The following TFAP2B variants were observed in gnomAD, a reference collection of about 807,000 sequenced individuals.
TFAP2B encodes the protein transcription factor AP-2 beta, also known as transcription factor AP-2-beta.
TFAP2B carries 9 observed loss-of-function variants against 44.3 expected under a neutral mutation model. The ratio of observed to expected loss-of-function variants is 0.20; its 90% CI spans 0.12 to 0.35. The LOEUF (loss-of-function observed/expected upper bound fraction) is 0.35. Ranked by LOEUF, TFAP2B falls within the 10% of genes least tolerant of loss-of-function variation. TFAP2B has a pLI of 1.00. For synonymous variants in TFAP2B, 270 were observed against 263.8 expected, an observed-to-expected ratio of 1.02 and a Z score of -0.23; for missense variants, 509 against 600.0, an observed-to-expected ratio of 0.85 and a Z score of 1.59.
At chr6:50,829,304 T>C (rs758218968) in intron 3 of TFAP2B, among the ~76,000 whole-genome samples, 21 of 152,256 alleles carry the variant, frequency 1.4e-4, no homozygotes, top group Non-Finnish European at 2.8e-4. Context: ...GGGCATGTGA[T>C]ATTAACAAAT....
rs1762631228 is a variant in TFAP2B, at chr6:50,836,723, T to C, written c.821+443T>C. 2.0e-5 allele frequency among the ~76,000 whole-genome samples: 3 copies of C among 151,992 alleles called. No homozygotes were observed. The South Asian group carries it at 6.2e-4, about 32-fold the overall frequency. On this transcript the variant is annotated intron_variant, in intron 4 of 6. Transcript: ENST00000393655. ...CTCTCTTCATACCTTCAGTGTACTC[T>C]TTCTCTTTTATTGCATGTTTTAAAT...
chr6:50,837,054 A>G (rs2113951228), intron 4 of TFAP2B, among the ~76,000 whole-genome samples: 1 of 152,354 alleles, frequency 6.6e-6, no homozygotes, highest in South Asian at 2.1e-4. Context: ...TGTCCCTGAT[A>G]TGAAAGTGAC....
At chr6:50,840,124 C>T in intron 5 of TFAP2B, 32 bp from the exon 6 acceptor site, 1 of 1,613,254 alleles carries the variant, frequency 6.2e-7, no homozygotes. Flanking sequence ...GGCCTGGGTG[C>T]TGATTATTAC....
Position 50,845,394 on chromosome 6 carries a change from GA to G in TFAP2B, c.*2005del, listed in dbSNP as rs1762825442. Reference sequence around the variant, plus strand: ...GCTTTGCCCATTTTTATTAAAAGAGGAAAGGGAAGTTAGGAAGCTCGTCTCA... The same window carrying G: ...GCTTTGCCCATTTTTATTAAAAGAGGAAGGGAAGTTAGGAAGCTCGTCTCA... On this transcript the variant is annotated 3_prime_UTR_variant, in exon 7 of 7. Coordinates refer to ENST00000393655, the MANE Select transcript of TFAP2B (RefSeq NM_003221.4). 1 of 152,132 alleles carries G rather than the reference GA, an allele frequency of 6.6e-6. No individual in the cohort carries two copies. The highest frequency in any genetic ancestry group is 2.4e-5 in the African/African-American group (1 of 41,416). The allele number at this position is 152,132 out of a possible 1,614,324, so 9.4% of individuals were successfully genotyped here.
chr6:50,842,345 AT>A (rs1335159994), intron 6 of TFAP2B, among the ~76,000 whole-genome samples: 3 of 152,242 alleles, frequency 2.0e-5, no homozygotes, highest in Non-Finnish European at 4.4e-5. Flanking sequence ...GCTTGAGGAA[AT>A]AAAAACCTTC....
chr6:50,832,762 A>C (rs1249631722), intron 3 of TFAP2B, among the ~76,000 whole-genome samples: 1 of 152,234 alleles, frequency 6.6e-6, no homozygotes, highest in East Asian at 1.9e-4. Flanking sequence ...TTCACACTTA[A>C]GTTTAAAGAG....
chr6:50,831,263 C>T (rs1455326082), intron 3 of TFAP2B, among the ~76,000 whole-genome samples: 4 of 152,140 alleles, frequency 2.6e-5, no homozygotes, highest in Non-Finnish European at 4.4e-5. Flanking sequence ...AGAGAGCAAA[C>T]GAGTGGAGTG....
chr6:50,822,399 A>G (rs1305196260), intron 1 of TFAP2B, among the ~76,000 whole-genome samples: 1 of 152,128 alleles, frequency 6.6e-6, no homozygotes, highest in East Asian at 1.9e-4. Context: ...GGCCGAAAAG[A>G]AAAACTTTTT....
At chr6:50,819,819 T>TAGGCGGACG (rs1180821468) in intron 1 of TFAP2B, among the ~76,000 whole-genome samples, 6 of 151,918 alleles carry the variant, frequency 3.9e-5, no homozygotes, top group African/African-American at 9.7e-5. Flanking sequence ...CGAGGCGGAC[T>TAGGCGGACG]AGGCGGACGA....
chr6:50,820,536 A>G (rs1770313471), intron 1 of TFAP2B, among the ~76,000 whole-genome samples: 1 of 152,246 alleles, frequency 6.6e-6, no homozygotes, highest in Non-Finnish European at 1.5e-5. Context: ...TTGCTGAATG[A>G]TGCTTGGGGT....
chr6:50,820,288 G>A lies in TFAP2B; in HGVS notation c.81+1316G>A, dbSNP rs3798517. On this transcript the variant is annotated intron_variant, in intron 1 of 6. Coordinates refer to ENST00000393655, the MANE Select transcript of TFAP2B (RefSeq NM_003221.4). ...TGAAAGCCCGGCGCAGAGCCGCCTC[G>A]AAGATCCTAAGAGTGGGCGACTCAC... 0.01 allele frequency among the ~76,000 whole-genome samples: 1,572 copies of A among 152,284 alleles called. 84 individuals are homozygous for A. In the East Asian group the frequency reaches 0.17, roughly 16 times the overall value.
chr6:50,823,618 T>G lies in TFAP2B; in HGVS notation c.293T>G (p.Leu98Arg), dbSNP rs1442792588. The part of the protein sequence containing the change: ...HVNDPYSLNP[L>R]HQPQQHPWGQ... ...AACGACCCCTACTCCCTGAACCCAC[T>G]GCACCAGCCCCAGCAACATCCCTGG... Residue 98 changes from leucine to arginine, a missense_variant, in exon 2 of 7, where the codon CTG (leucine) becomes CGG (arginine). Leu to Arg is a moderately radical substitution (Grantham distance 102). Around this residue, in one of 3 missense-constraint regions of TFAP2B, gnomAD observed 296 missense variants for 308.2 expected, o/e 0.96. Coordinates refer to ENST00000393655, the MANE Select transcript of TFAP2B (RefSeq NM_003221.4). The G allele has an allele frequency of 3.7e-6, 6 of 1,613,682 alleles. No individual in the cohort carries two copies. The highest frequency in any genetic ancestry group is 5.1e-6 in the Non-Finnish European group (6 of 1,179,932).
intron 1 of TFAP2B, among the ~76,000 whole-genome samples, chr6:50,819,187 A>G (rs1033516528): frequency 6.6e-6 from 1 of 151,904 alleles, no homozygotes; most frequent in Non-Finnish European, 1.5e-5. Flanking sequence ...TAATTTAGGA[A>G]TGTTTTTATT....
At chr6:50,841,041 A>G (rs1314727284) in intron 6 of TFAP2B, among the ~76,000 whole-genome samples, 13 of 152,186 alleles carry the variant, frequency 8.5e-5, no homozygotes, top group Non-Finnish European at 1.9e-4. Flanking sequence ...GCGTAATTTA[A>G]AGAAATATAT....
intron 6 of TFAP2B, among the ~76,000 whole-genome samples, chr6:50,841,684 TTGGAATTAC>T (rs149100019): frequency 0.026 from 3,899 of 152,198 alleles, 168 homozygotes; most frequent in African/African-American, 0.088. Context: ...ATCTTCTAAA[TTGGAATTAC>T]TGGAGGTGGG....
chr6:50,819,080 G>T, intron 1 of TFAP2B, 108 bp downstream of exon 1: 1 of 1,171,846 alleles, frequency 8.5e-7, no homozygotes, highest in Non-Finnish European at 1.2e-6. Flanking sequence ...GTAGATTTCC[G>T]GTCGGTTTTC....
intron 5 of TFAP2B, among the ~76,000 whole-genome samples, chr6:50,839,791 G>C (rs1377778821): frequency 1.3e-5 from 2 of 152,204 alleles, no homozygotes; most frequent in African/African-American, 4.8e-5. Flanking sequence ...TAAAGCAAGT[G>C]TGACAGATGC....
intron 2 of TFAP2B, among the ~76,000 whole-genome samples, chr6:50,828,066 A>C (rs779986144): frequency 6.6e-6 from 1 of 152,218 alleles, no homozygotes; most frequent in African/African-American, 2.4e-5. Context: ...CAAGAAGCTC[A>C]TAGTTTACAG....
Position 50,836,246 on chromosome 6 carries a change from C to G in TFAP2B, c.787C>G (p.Leu263Val). ...GAGACGGCTGTCGCCCCCTGAATGCCTCAATGCATCTCTCCTCGGCGGAGT... is the reference window on the plus strand; with the variant it reads ...GAGACGGCTGTCGCCCCCTGAATGCGTCAATGCATCTCTCCTCGGCGGAGT... Reference protein sequence around the residue: ...VQRRLSPPECLNASLLGGVLR... With the variant: ...VQRRLSPPECVNASLLGGVLR... The change falls in exon 4 of 7, where the codon CTC becomes GTC. Residue 263 changes from leucine to valine, a missense_variant. Leu to Val is a conservative substitution (Grantham distance 32). Transcript: ENST00000393655. 2 of 1,612,594 alleles carry G rather than the reference C, an allele frequency of 1.2e-6. No homozygotes were observed. The highest frequency in any genetic ancestry group is 1.7e-6 in the Non-Finnish European group (2 of 1,179,982).
Sources: gnomAD v4.1 joint callset for allele counts (sites outside exome capture counted in the v4.1 genomes callset) on GRCh38, gnomAD v4.1.1 for gene constraint, gnomAD v4.1.1 regional missense constraint, MANE v1.5 for transcripts, NCBI Gene and HGNC (gene_info 2026-07-23, HGNC 2026-07-21) for gene names.